The following SCN2A variants were observed in gnomAD, a reference collection of about 807,000 sequenced individuals.
The protein encoded by SCN2A is sodium channel protein type 2 subunit alpha.
In SCN2A, 20 loss-of-function variants were observed where a neutral mutation model predicts 188.7. The observed-to-expected ratio is 0.11, with a 90% CI of 0.07 to 0.15. The LOEUF is 0.15. SCN2A is among the 10% of genes least tolerant of loss of function. SCN2A has a pLI of 1.00. For synonymous variants in SCN2A, 804 were observed against 833.1 expected (o/e 0.97, Z 0.60); for missense variants, 1,278 against 2,445.0 (o/e 0.52, Z 10.07).
At position 165,324,221 on chromosome 2, in the gene SCN2A, C is replaced by A. The variant is rs1311525206; in HGVS notation, c.2016+721C>A. 4.6e-5 allele frequency among the ~76,000 whole-genome samples: 7 copies of A among 152,134 alleles called. No individual in the cohort carries two copies. The South Asian group carries it at 1.0e-3, about 23-fold the overall frequency. ...TATTATTGAAATTTACTTCATAAAC[C>A]ATAAGAAGCTTTTAATGTTGGTATT... On this transcript the variant is annotated intron_variant, in intron 12 of 26. Transcript: ENST00000375437.
chr2:165,251,324 C>T (rs112988700), intron 1 of SCN2A, among the ~76,000 whole-genome samples: 1 of 151,636 alleles, frequency 6.6e-6, no homozygotes, highest in East Asian at 1.9e-4. Flanking sequence ...AAGTGAGAGT[C>T]GTGGTGGTAG....
intron 1 of SCN2A, among the ~76,000 whole-genome samples, chr2:165,242,676 T>C (rs538001484): frequency 9.2e-5 from 14 of 152,150 alleles, no homozygotes; most frequent in African/African-American, 3.1e-4. Flanking sequence ...TTGAGGGAAA[T>C]TTAACTTTAG....
chr2:165,318,352 T>A (rs994965867), intron 11 of SCN2A, among the ~76,000 whole-genome samples: 7 of 152,230 alleles, frequency 4.6e-5, no homozygotes, highest in Non-Finnish European at 1.5e-5. Flanking sequence ...TGGATTTTTT[T>A]GAAACCTTTA....
At chr2:165,262,764 T>G (rs1220748458) in intron 1 of SCN2A, among the ~76,000 whole-genome samples, 1 of 152,148 alleles carries the variant, frequency 6.6e-6, no homozygotes, top group African/African-American at 2.4e-5. Flanking sequence ...GGGTAGATAC[T>G]CAGTAGTGGA....
intron 26 of SCN2A, among the ~76,000 whole-genome samples, chr2:165,388,228 A>C (rs1417568837): frequency 6.6e-6 from 1 of 152,168 alleles, no homozygotes; most frequent in East Asian, 1.9e-4. Context: ...AGAATCTCAG[A>C]AAGTAAAGAA....
intron 6 of SCN2A, 42 bp from the exon 7 acceptor site, chr2:165,310,281 T>C (rs749942966): frequency 2.5e-5 from 40 of 1,607,860 alleles, no homozygotes; most frequent in South Asian, 2.2e-4. Context: ...AAATAGCTGT[T>C]GAGTAGTATA....
chr2:165,276,904 G>A (rs1228384917), intron 1 of SCN2A, among the ~76,000 whole-genome samples: 3 of 152,014 alleles, frequency 2.0e-5, no homozygotes, highest in Non-Finnish European at 4.4e-5. Context: ...GGATGGGCGC[G>A]GTGGCTCATG....
At chr2:165,297,972 C>A (rs1696597916) in intron 3 of SCN2A, among the ~76,000 whole-genome samples, 1 of 152,124 alleles carries the variant, frequency 6.6e-6, no homozygotes, top group East Asian at 1.9e-4. Context: ...AGGCCAGAAA[C>A]AAGTCTTGTT....
chr2:165,272,658 G>A (rs1441659297), intron 1 of SCN2A: 1 of 151,682 alleles, frequency 6.6e-6, no homozygotes. Flanking sequence ...GACTACAATG[G>A]AATTAAATTA....
chr2:165,291,529 C>CCTCTCCTTTCT (rs1696185161), intron 1 of SCN2A, among the ~76,000 whole-genome samples: 2 of 20,946 alleles, frequency 9.5e-5, no homozygotes, highest in African/African-American at 1.5e-4. Flanking sequence ...CCTTTCTTTC[C>CCTCTCCTTTCT]TTCCTTCCTT....
In SCN2A at chr2:165,291,575, T is replaced by TCC. The variant is rs1460696524; in HGVS notation, c.-51-4198_-51-4197insCC. Among the ~76,000 whole-genome samples the TCC allele has an allele frequency of 3.3e-4, 23 of 70,560 alleles. No homozygotes were observed. In the East Asian group the frequency reaches 5.5e-3, roughly 17 times the overall value. 46.3% of individuals were successfully genotyped at this position (70,560 alleles called of 152,430 possible). ...TTCCTTCCTTCCTTCCTTCCTTCCT[T>TCC]TCTCTCTCTCTCTCTCTCTCTCTCT... On this transcript the variant is annotated intron_variant, in intron 1 of 26. Coordinates refer to ENST00000375437, the MANE Select transcript of SCN2A (RefSeq NM_001040142.2).
chr2:165,364,073 C>T (rs1021945451), intron 17 of SCN2A, among the ~76,000 whole-genome samples: 2 of 152,168 alleles, frequency 1.3e-5, no homozygotes, highest in East Asian at 1.9e-4. Flanking sequence ...GTACTGACTA[C>T]AGCATCCATC....
chr2:165,297,178 G>A (rs1194478180), intron 3 of SCN2A, 43 bp downstream of exon 3: 1 of 1,199,000 alleles, frequency 8.3e-7, no homozygotes, highest in Non-Finnish European at 1.2e-6. Context: ...TTTCTTCTTT[G>A]ACCAAGTTAT....
intron 1 of SCN2A, among the ~76,000 whole-genome samples, chr2:165,281,215 TA>T (rs1031850067): frequency 5.3e-5 from 8 of 151,906 alleles, no homozygotes; most frequent in African/African-American, 1.9e-4. Flanking sequence ...ACCCTATCTC[TA>T]AAAAAATAGA....
intron 17 of SCN2A, among the ~76,000 whole-genome samples, chr2:165,356,780 C>T (rs929869804): frequency 1.3e-5 from 2 of 152,112 alleles, no homozygotes; most frequent in African/African-American, 2.4e-5. Flanking sequence ...TAACTTAAGC[C>T]ATTATGTCTG....
intron 3 of SCN2A, among the ~76,000 whole-genome samples, chr2:165,299,414 A>T (rs948812706): frequency 6.6e-6 from 1 of 152,350 alleles, no homozygotes; most frequent in African/African-American, 2.4e-5. Flanking sequence ...TGAGCTGTTG[A>T]TTCTCTGAGA....
At chr2:165,354,102 G>A in intron 16 of SCN2A, 90 bp from the exon 17 acceptor site, 1 of 1,463,432 alleles carries the variant, frequency 6.8e-7, no homozygotes, top group Non-Finnish European at 9.6e-7. Flanking sequence ...AATAAAATAA[G>A]GTGTCAAGAA....
In SCN2A at chr2:165,354,596, T is replaced by C; in HGVS notation, c.3324T>C (p.Ala1108=). ...NPSLTVTVPI[A]VGESDFENLN... ...GCCTCACTGTGACAGTACCAATTGCTGTTGGAGAATCTGACTTTGAAAATT... is the reference window on the plus strand; with the variant it reads ...GCCTCACTGTGACAGTACCAATTGCCGTTGGAGAATCTGACTTTGAAAATT... The change falls in exon 17 of 27, where the codon GCT becomes GCC. Residue 1108 remains alanine (A), a synonymous_variant. Transcript: ENST00000375437. 1 of 1,614,090 alleles carries C rather than the reference T, an allele frequency of 6.2e-7. No homozygotes were observed. Among genetic ancestry groups the C allele is most frequent in the Non-Finnish European group, 8.5e-7 (1 of 1,179,978 alleles).
chr2:165,251,541 G>A (rs1694094052), intron 1 of SCN2A, among the ~76,000 whole-genome samples: 1 of 151,910 alleles, frequency 6.6e-6, no homozygotes, highest in African/African-American at 2.4e-5. Flanking sequence ...TATGCCATGA[G>A]TGAGGTAAGG....
Sources: allele counts gnomAD v4.1 joint callset (sites outside exome capture counted in the v4.1 genomes callset), GRCh38; gene constraint gnomAD v4.1.1; transcripts MANE v1.5; gene names NCBI Gene and HGNC (gene_info 2026-07-23, HGNC 2026-07-21).